NDUFAF2: variants seen among roughly 807,000 people sequenced by gnomAD.
NDUFAF2 encodes NADH dehydrogenase [ubiquinone] 1 alpha subcomplex assembly factor 2.
In NDUFAF2, 13 loss-of-function variants were observed where a neutral mutation model predicts 22.8. The observed-to-expected ratio is 0.57, with a 90% confidence interval of 0.37 to 0.91. NDUFAF2 has a LOEUF of 0.91. Among genes scored for constraint, NDUFAF2 ranks in the 40% least tolerant of loss-of-function variants. NDUFAF2 has a pLI of 0.01. For missense variants in NDUFAF2, 162 were observed against 195.2 expected, an observed-to-expected ratio of 0.83 and a Z score of 1.01; for synonymous variants, 53 against 64.2, an observed-to-expected ratio of 0.83 and a Z score of 0.84.
intron 3 of NDUFAF2, among the ~76,000 whole-genome samples, chr5:61,107,872 T>A (rs1484065585): frequency 2.1e-5 from 3 of 140,274 alleles, no homozygotes; most frequent in East Asian, 2.1e-4. Context: ...TGTGTCTATG[T>A]GTTCTCATTG....
At chr5:61,106,237 A>G (rs1372522548) in intron 3 of NDUFAF2, among the ~76,000 whole-genome samples, 2 of 151,434 alleles carry the variant, frequency 1.3e-5, no homozygotes, top group Non-Finnish European at 2.9e-5. Flanking sequence ...TTACTTATCA[A>G]TTACAAAAGG....
At chr5:61,135,817 T>C (rs1297377592) in intron 3 of NDUFAF2, among the ~76,000 whole-genome samples, 1 of 151,728 alleles carries the variant, frequency 6.6e-6, no homozygotes, top group African/African-American at 2.4e-5. Context: ...CCTTTACTAA[T>C]AAATCAGTAG....
At chr5:61,125,019 A>G (rs1458944387) in intron 3 of NDUFAF2, among the ~76,000 whole-genome samples, 2 of 151,912 alleles carry the variant, frequency 1.3e-5, no homozygotes, top group Non-Finnish European at 2.9e-5. Flanking sequence ...ATTTTGTGAG[A>G]ACTCACTCAC....
chr5:61,070,675 C>T (rs1426959824), intron 1 of NDUFAF2, among the ~76,000 whole-genome samples: 1 of 151,144 alleles, frequency 6.6e-6, no homozygotes, highest in Non-Finnish European at 1.5e-5. Context: ...TTTTTAAATC[C>T]TTGGGAGACC....
chr5:61,017,623 G>T (rs931929129), intron 1 of NDUFAF2, among the ~76,000 whole-genome samples: 11 of 152,316 alleles, frequency 7.2e-5, no homozygotes, highest in African/African-American at 2.2e-4. Context: ...AAGTAGCTGG[G>T]CAGGGTGGTA....
intron 3 of NDUFAF2, among the ~76,000 whole-genome samples, chr5:61,121,965 G>A (rs1412470614): frequency 6.6e-6 from 1 of 151,836 alleles, no homozygotes; most frequent in Non-Finnish European, 1.5e-5. Context: ...CAAAAAGCTG[G>A]GATTACAGGC....
chr5:61,143,478 C>G (rs374693014), intron 3 of NDUFAF2, among the ~76,000 whole-genome samples: 2 of 152,116 alleles, frequency 1.3e-5, no homozygotes, highest in East Asian at 3.9e-4. Flanking sequence ...AATTGAAATA[C>G]TTTTACATCT....
chr5:61,138,089 GC>G (rs1740991031), intron 3 of NDUFAF2, among the ~76,000 whole-genome samples: 2 of 152,226 alleles, frequency 1.3e-5, no homozygotes, highest in Non-Finnish European at 1.5e-5. Context: ...ATTCACTGCA[GC>G]TGGGAAGCAA....
chr5:61,144,463 T>C (rs993035819), intron 3 of NDUFAF2, among the ~76,000 whole-genome samples: 1 of 152,224 alleles, frequency 6.6e-6, no homozygotes, highest in Non-Finnish European at 1.5e-5. Context: ...AGTATATGTA[T>C]AATAACAGAT....
At chr5:61,142,995 A>C (rs1741080641) in intron 3 of NDUFAF2, among the ~76,000 whole-genome samples, 1 of 152,216 alleles carries the variant, frequency 6.6e-6, no homozygotes, top group Non-Finnish European at 1.5e-5. Flanking sequence ...ACTTGGCAAT[A>C]AAATTCGAGC....
chr5:61,105,374 T>TGGCAGGAA (rs1259108228), intron 3 of NDUFAF2, among the ~76,000 whole-genome samples: 4 of 151,316 alleles, frequency 2.6e-5, no homozygotes, highest in African/African-American at 9.8e-5. Flanking sequence ...TGCCATTTTA[T>TGGCAGGAA]GTATAGAATC....
intron 1 of NDUFAF2, among the ~76,000 whole-genome samples, chr5:61,040,286 A>ACGCG (rs1323303366): frequency 1.3e-3 from 120 of 93,084 alleles, no homozygotes; most frequent in South Asian, 7.9e-3. Context: ...ACACACACAC[A>ACGCG]CGCGCGCGCG....
chr5:60,985,388 A>G (rs887609882), intron 1 of NDUFAF2, among the ~76,000 whole-genome samples: 5 of 151,694 alleles, frequency 3.3e-5, no homozygotes, highest in African/African-American at 4.8e-5. Context: ...TTGTGTCTCT[A>G]TCTCCTTCAG....
intron 1 of NDUFAF2, among the ~76,000 whole-genome samples, chr5:60,953,429 A>T (rs1332971383): frequency 6.6e-6 from 1 of 152,146 alleles, no homozygotes; most frequent in Non-Finnish European, 1.5e-5. Flanking sequence ...CTGTACCTGA[A>T]AGAATTCATT....
chr5:60,959,550 C>A (rs1359352315), intron 1 of NDUFAF2, among the ~76,000 whole-genome samples: 1 of 151,936 alleles, frequency 6.6e-6, no homozygotes, highest in African/African-American at 2.4e-5. Flanking sequence ...AAGTAACATT[C>A]TTTCTTTAGT....
chr5:61,076,207 A>T lies in NDUFAF2; in HGVS notation c.217+2993A>T. Among the ~76,000 whole-genome samples the T allele has an allele frequency of 1.3e-5, 2 of 152,068 alleles. 1 individual carries two copies. Among genetic ancestry groups the T allele is most frequent in the Non-Finnish European group, 2.9e-5 (2 of 68,008 alleles). On this transcript the variant is annotated intron_variant, in intron 2 of 3. Coordinates refer to ENST00000296597, the MANE Select transcript of NDUFAF2 (RefSeq NM_174889.5). ...CGCCTCAGCCTCCTGAGTAGCTGGG[A>T]CTACAGGTGCCCGCCACCACGCCCG... is the stretch of plus-strand genomic sequence containing the variant.
chr5:61,127,478 C>G (rs1753051970), intron 3 of NDUFAF2, among the ~76,000 whole-genome samples: 1 of 152,058 alleles, frequency 6.6e-6, no homozygotes, highest in Admixed American at 6.6e-5. Context: ...AAGGCTGGTT[C>G]AACATAAATC....
intron 1 of NDUFAF2, among the ~76,000 whole-genome samples, chr5:61,023,762 C>A (rs1430758726): frequency 1.3e-5 from 2 of 152,108 alleles, no homozygotes; most frequent in Non-Finnish European, 2.9e-5. Flanking sequence ...TCTTAGAGTT[C>A]ATGGGCCACG....
chr5:61,045,252 G>C (rs6449518), intron 1 of NDUFAF2, among the ~76,000 whole-genome samples: 1 of 30,518 alleles, frequency 3.3e-5, no homozygotes, highest in African/African-American at 1.2e-4. Context: ...ATAAAATAAA[G>C]TTTTATTAAA....
Sources: gnomAD v4.1 joint callset for allele counts (sites outside exome capture counted in the v4.1 genomes callset) on GRCh38, gnomAD v4.1.1 for gene constraint, MANE v1.5 for transcripts, NCBI Gene and HGNC (gene_info 2026-07-23, HGNC 2026-07-21) for gene names.